MAD1L1: variants seen among roughly 807,000 people sequenced by gnomAD.
MAD1L1 encodes mitotic spindle assembly checkpoint protein MAD1.
A neutral mutation model predicts 96.9 loss-of-function variants in MAD1L1; 95 were observed. The ratio of observed to expected loss-of-function variants is 0.98; its 90% CI spans 0.83 to 1.16. The LOEUF is 1.16. Ranked by LOEUF, MAD1L1 falls within the 50% of genes most tolerant of loss-of-function variation. The probability of loss-of-function intolerance (pLI) is 0.00; values close to 1 mark genes in which losing one functional copy is unlikely to be tolerated. For missense variants in MAD1L1, 1,007 were observed against 954.4 expected, an observed-to-expected ratio of 1.06 and a Z score of -0.73; for synonymous variants, 473 against 396.6, an observed-to-expected ratio of 1.19 and a Z score of -2.29.
At chr7:1,903,963 C>A (rs1460910516) in intron 17 of MAD1L1, among the ~76,000 whole-genome samples, 5 of 114,470 alleles carry the variant, frequency 4.4e-5, no homozygotes, top group African/African-American at 9.2e-5. Context: ...GACACTCTTG[C>A]GGAACTCATG....
chr7:1,842,761 G>A (rs915809670), intron 18 of MAD1L1, among the ~76,000 whole-genome samples: 1 of 152,246 alleles, frequency 6.6e-6, no homozygotes, highest in East Asian at 1.9e-4. Flanking sequence ...CCCAGGGCAC[G>A]GTCAGGCTGT....
intron 11 of MAD1L1, among the ~76,000 whole-genome samples, chr7:2,123,074 C>A (rs1224920790): frequency 6.6e-6 from 1 of 151,668 alleles, no homozygotes; most frequent in Admixed American, 6.6e-5. Flanking sequence ...GAGGCCAAGG[C>A]AGGTGGATCA....
chr7:1,832,985 C>T (rs1270931055), intron 18 of MAD1L1, among the ~76,000 whole-genome samples: 1 of 152,086 alleles, frequency 6.6e-6, no homozygotes, highest in Non-Finnish European at 1.5e-5. Flanking sequence ...GCAACCACCA[C>T]CCTGATCTGT....
chr7:2,212,068 T>C (rs983757800), intron 10 of MAD1L1, among the ~76,000 whole-genome samples: 2 of 151,398 alleles, frequency 1.3e-5, no homozygotes, highest in Admixed American at 6.6e-5. Context: ...GGAAGAGGGG[T>C]CCAGACCAGA....
At chr7:2,207,447 G>A (rs1792658236) in intron 10 of MAD1L1, among the ~76,000 whole-genome samples, 2 of 152,144 alleles carry the variant, frequency 1.3e-5, no homozygotes, top group Admixed American at 6.5e-5. Context: ...GAGAGGGGCC[G>A]AAGGGTGAGT....
chr7:2,066,913 G>A (rs188671914), intron 12 of MAD1L1, among the ~76,000 whole-genome samples: 113 of 152,344 alleles, frequency 7.4e-4, no homozygotes, highest in African/African-American at 2.5e-3. Context: ...GCTTCCAACC[G>A]CTGGCCTCAC....
At chr7:1,879,825 G>C (rs1246794640) in intron 18 of MAD1L1, among the ~76,000 whole-genome samples, 1 of 152,112 alleles carries the variant, frequency 6.6e-6, no homozygotes, top group South Asian at 2.1e-4. Flanking sequence ...CCTCCTCCCG[G>C]GTTCACGCCA....
intron 13 of MAD1L1, among the ~76,000 whole-genome samples, chr7:2,007,424 G>A (rs966675868): frequency 6.6e-6 from 1 of 152,248 alleles, no homozygotes; most frequent in East Asian, 1.9e-4. Context: ...GCTCACGCCT[G>A]GAATCCCAGC....
chr7:2,098,297 G>C (rs928002605), intron 11 of MAD1L1, among the ~76,000 whole-genome samples: 1 of 152,214 alleles, frequency 6.6e-6, no homozygotes, highest in Non-Finnish European at 1.5e-5. Flanking sequence ...AAGGCGCATG[G>C]CAAACACCCT....
At chr7:1,983,830 T>A (rs994744241) in intron 14 of MAD1L1, among the ~76,000 whole-genome samples, 3 of 152,224 alleles carry the variant, frequency 2.0e-5, no homozygotes, top group Admixed American at 2.0e-4. Flanking sequence ...CAATTTTTTA[T>A]TAGAACTGTG....
rs1782445306 is a variant in MAD1L1 at position 2,014,516 on chromosome 7, T to C, written c.1345A>G (p.Ser449Gly). The stretch of plus-strand genomic sequence containing the variant: ...CGGCCCCTCACCTCCATCTCGGCGC[T>C]GTGGCTGTGCACCTTCTGCACCATA... Reference protein sequence around the residue: ...EDMVQKVHSHSAEMEAQLSQA... With the variant: ...EDMVQKVHSHGAEMEAQLSQA... Residue 449 changes from serine (S) to glycine (G), a missense_variant, in exon 13 of 19, where the codon AGC (serine) becomes GGC (glycine). Physicochemically the swap from Ser to Gly is moderately conservative, Grantham distance 56 (BLOSUM62 0). Transcript: ENST00000265854. 6.3e-7 allele frequency: 1 copy of C among 1,596,538 alleles called. No individual in the cohort carries two copies. Among genetic ancestry groups the C allele is most frequent in the Admixed American group, 1.7e-5 (1 of 59,036 alleles).
intron 17 of MAD1L1, 38 bp from the exon 18 acceptor site, chr7:1,898,428 C>G (rs763673433): frequency 6.3e-7 from 1 of 1,592,122 alleles, no homozygotes; most frequent in South Asian, 1.1e-5. Context: ...AGTGCGGCAC[C>G]AGGCCGGAGG....
chr7:2,137,399 T>C (rs1453897542), intron 11 of MAD1L1, among the ~76,000 whole-genome samples: 1 of 152,212 alleles, frequency 6.6e-6, no homozygotes, highest in Non-Finnish European at 1.5e-5. Flanking sequence ...GATGCCGTTT[T>C]CTGATTTGGG....
At position 2,102,293 on chromosome 7, in the gene MAD1L1, TGTCACCATCACCACC is replaced by T. The variant is rs796797802; in HGVS notation, c.1074-32970_1074-32956del. Among the ~76,000 whole-genome samples the T allele has an allele frequency of 4.9e-5, 7 of 142,204 alleles. No homozygotes were observed. In the East Asian group the frequency reaches 8.2e-4, roughly 17 times the overall value. The allele number at this position is 142,204 out of a possible 152,430, so 93.3% of individuals were successfully genotyped here. A position where few individuals can be genotyped will look rare whatever the true frequency, so the allele number is the denominator to read the frequency against. ...TCACTATCACCACCACCACCGCCACTGTCACCATCACCACCGTCACCATCACCGCCGTCACCATCA... is the reference window on the plus strand; with the variant it reads ...TCACTATCACCACCACCACCGCCACTGTCACCATCACCGCCGTCACCATCA... On this transcript the variant is annotated intron_variant, in intron 11 of 18. Coordinates refer to ENST00000265854, the MANE Select transcript of MAD1L1 (RefSeq NM_001013836.2).
At chr7:2,143,528 C>T (rs961847468) in intron 11 of MAD1L1, among the ~76,000 whole-genome samples, 2 of 151,640 alleles carry the variant, frequency 1.3e-5, no homozygotes, top group East Asian at 1.9e-4. Flanking sequence ...AGAAAAGCAC[C>T]GTCTGTGACA....
chr7:2,112,153 C>T (rs953922151), intron 11 of MAD1L1, among the ~76,000 whole-genome samples: 2 of 151,660 alleles, frequency 1.3e-5, no homozygotes, highest in Admixed American at 6.6e-5. Context: ...ATTTGTATGA[C>T]GTTCTGGAAA....
intron 11 of MAD1L1, among the ~76,000 whole-genome samples, chr7:2,087,310 C>T (rs1237649450): frequency 2.6e-5 from 4 of 152,224 alleles, no homozygotes; most frequent in South Asian, 4.2e-4. Context: ...GAGGGTGAGG[C>T]GGACAGATCA....
intron 16 of MAD1L1, among the ~76,000 whole-genome samples, chr7:1,952,992 C>A (rs1779569788): frequency 6.6e-6 from 1 of 152,168 alleles, no homozygotes; most frequent in Admixed American, 6.5e-5. Flanking sequence ...GACGCCAGCA[C>A]AAAGGGGGCA....
chr7:1,936,517 C>G (rs779939009), intron 17 of MAD1L1, among the ~76,000 whole-genome samples, 170 bp downstream of exon 17: 1 of 152,200 alleles, frequency 6.6e-6, no homozygotes. Flanking sequence ...CATGGGGACA[C>G]GGGGCCAGGG....
Sources: allele counts gnomAD v4.1 joint callset (sites outside exome capture counted in the v4.1 genomes callset), GRCh38; gene constraint gnomAD v4.1.1; transcripts MANE v1.5; gene names NCBI Gene and HGNC (gene_info 2026-07-23, HGNC 2026-07-21).